The following SYNPR variants were observed in gnomAD, a reference collection of about 807,000 sequenced individuals.
SYNPR encodes synaptoporin.
Under a neutral mutation model 32.9 loss-of-function variants are expected in SYNPR, and 23 were observed. That is an observed-to-expected ratio of 0.70 (90% CI 0.50 to 0.99). The LOEUF is 0.99. SYNPR is among the 50% of genes least tolerant of loss of function. SYNPR has a pLI of 0.00. For synonymous variants in SYNPR, 146 were observed against 135.9 expected (o/e 1.07, Z -0.52); for missense variants, 318 against 349.3 (o/e 0.91, Z 0.71).
chr3:63,396,261 T>C (rs2088211381), intron 2 of SYNPR, among the ~76,000 whole-genome samples: 1 of 152,196 alleles, frequency 6.6e-6, no homozygotes, highest in Non-Finnish European at 1.5e-5. Context: ...ACAAGGTTCC[T>C]CAAGATCTTG....
intron 2 of SYNPR, among the ~76,000 whole-genome samples, chr3:63,422,476 G>A (rs557167062): frequency 1.2e-4 from 19 of 152,104 alleles, no homozygotes; most frequent in Non-Finnish European, 2.4e-4. Flanking sequence ...TAGAGGTGAC[G>A]GAAATCTTCA....
intron 3 of SYNPR, among the ~76,000 whole-genome samples, chr3:63,485,453 A>G (rs1701129167): frequency 6.6e-6 from 1 of 152,204 alleles, no homozygotes; most frequent in South Asian, 2.1e-4. Flanking sequence ...AAAGGAGTGA[A>G]AAACCAAGAA....
At chr3:63,393,555 T>G (rs934566875) in intron 2 of SYNPR, among the ~76,000 whole-genome samples, 1 of 143,568 alleles carries the variant, frequency 7.0e-6, no homozygotes, top group Admixed American at 7.2e-5. Flanking sequence ...TGGAGTGCAG[T>G]AATGTGATCA....
At chr3:63,531,971 C>A (rs1178992063) in intron 3 of SYNPR, among the ~76,000 whole-genome samples, 1 of 152,126 alleles carries the variant, frequency 6.6e-6, no homozygotes, top group Non-Finnish European at 1.5e-5. Context: ...GTAAGTCTAC[C>A]AGGTTGCTCC....
intron 1 of SYNPR, among the ~76,000 whole-genome samples, chr3:63,244,428 T>C (rs959305742): frequency 1.3e-5 from 2 of 152,068 alleles, no homozygotes; most frequent in African/African-American, 4.8e-5. Context: ...AGTCGAGTGA[T>C]GACAACTCAC....
At chr3:63,224,495 C>T (rs1434718925), upstream of SYNPR, among the ~76,000 whole-genome samples, 1 of 152,134 alleles carries the variant, frequency 6.6e-6, no homozygotes, top group African/African-American at 2.4e-5. Flanking sequence ...TCTAATACAG[C>T]ACAGTTGAAC....
chr3:63,453,201 G>A, intron 2 of SYNPR, among the ~76,000 whole-genome samples: 1 of 152,176 alleles, frequency 6.6e-6, no homozygotes, highest in East Asian at 1.9e-4. Flanking sequence ...CCCTGGTTGT[G>A]ATGCTAACTG....
chr3:63,416,865 C>T (rs2107125571), intron 2 of SYNPR, among the ~76,000 whole-genome samples: 1 of 152,216 alleles, frequency 6.6e-6, no homozygotes, highest in African/African-American at 2.4e-5. Context: ...ATTCAATTAC[C>T]TCCCACCAGG....
intron 3 of SYNPR, among the ~76,000 whole-genome samples, chr3:63,489,318 C>T (rs1278877498): frequency 6.6e-6 from 1 of 152,096 alleles, no homozygotes; most frequent in East Asian, 1.9e-4. Flanking sequence ...AAAAGCTGCT[C>T]CTGGGGGTGT....
intron 3 of SYNPR, among the ~76,000 whole-genome samples, chr3:63,530,061 C>T (rs868589899): frequency 4.9e-4 from 74 of 152,226 alleles, no homozygotes; most frequent in Admixed American, 1.3e-4. Context: ...ACCCTGACCC[C>T]CATGCCTGTG....
chr3:63,615,707 G>T lies in SYNPR; in HGVS notation c.*226G>T. ...TTCATCATAGATGGCTAATTGGAGA[G>T]TACCTTGTTATATATACAGATACTT... is the stretch of plus-strand genomic sequence containing the variant. On this transcript the variant is annotated 3_prime_UTR_variant, in exon 6 of 6. Transcript: ENST00000478300. 1 of 523,404 alleles carries T rather than the reference G, an allele frequency of 1.9e-6. No individual in the cohort carries two copies. The highest frequency in any genetic ancestry group is 3.3e-6 in the Non-Finnish European group (1 of 303,332). The allele number at this position is 523,404 out of a possible 1,614,324, so 32.4% of individuals were successfully genotyped here. A position where few individuals can be genotyped will look rare whatever the true frequency, so the allele number is the denominator to read the frequency against.
intron 1 of SYNPR, among the ~76,000 whole-genome samples, chr3:63,240,254 CT>C (rs1159432669): frequency 1.3e-5 from 2 of 152,150 alleles, no homozygotes; most frequent in Admixed American, 1.3e-4. Context: ...ATTCAATCTG[CT>C]TTAACTTGTA....
At chr3:63,398,009 A>G (rs2088240010) in intron 2 of SYNPR, among the ~76,000 whole-genome samples, 1 of 152,226 alleles carries the variant, frequency 6.6e-6, no homozygotes, top group African/African-American at 2.4e-5. Flanking sequence ...GAATGGACAG[A>G]GGATGGAAAA....
In SYNPR at chr3:63,269,172, A is replaced by G. The variant is rs185991742; in HGVS notation, n.287+1723A>G. Among the ~76,000 whole-genome samples the G allele has an allele frequency of 2.0e-5, 3 of 152,336 alleles. No homozygotes were observed. The East Asian group carries it at 5.8e-4, about 29-fold the overall frequency. ...GGTGTGGGAGTTCAAGTTGAAACAA[A>G]TATGTGTACAACTGCTTCTAAGAAA... On this transcript the variant is annotated intron_variant and non_coding_transcript_variant, in intron 3 of 4. Coordinates refer to the SYNPR transcript ENST00000478456.
intron 2 of SYNPR, among the ~76,000 whole-genome samples, chr3:63,431,812 A>AAAAAAGTC (rs372927372): frequency 2.1e-4 from 31 of 150,184 alleles, no homozygotes; most frequent in African/African-American, 7.6e-4. Context: ...TCCTCATTAA[A>AAAAAAGTC]AAAAAGTCAT....
chr3:63,303,591 T>A (rs1264565664), intron 2 of SYNPR, among the ~76,000 whole-genome samples: 1 of 152,066 alleles, frequency 6.6e-6, no homozygotes, highest in African/African-American at 2.4e-5. Context: ...TAACCTGTAA[T>A]CAAGTTACTG....
intron 2 of SYNPR, among the ~76,000 whole-genome samples, chr3:63,324,672 C>T (rs2087146418): frequency 6.6e-6 from 1 of 151,992 alleles, no homozygotes; most frequent in Non-Finnish European, 1.5e-5. Context: ...TACAAGAGTC[C>T]TCTTTGGTGC....
chr3:63,536,152 A>G (rs1011732934), intron 3 of SYNPR, among the ~76,000 whole-genome samples: 4 of 152,102 alleles, frequency 2.6e-5, no homozygotes, highest in Non-Finnish European at 4.4e-5. Flanking sequence ...AAAAACTTTT[A>G]CAAAGTAATT....
intron 2 of SYNPR, among the ~76,000 whole-genome samples, chr3:63,355,704 G>GCC (rs145600863): frequency 5.3e-5 from 8 of 151,420 alleles, no homozygotes; most frequent in South Asian, 4.2e-4. Context: ...CAGTACTCTG[G>GCC]CCCCCCCAGC....
Sources: gnomAD v4.1 joint callset for allele counts (sites outside exome capture counted in the v4.1 genomes callset) on GRCh38, gnomAD v4.1.1 for gene constraint, MANE v1.5 for transcripts, NCBI Gene and HGNC (gene_info 2026-07-23, HGNC 2026-07-21) for gene names.